MS4A4E: variants seen among roughly 807,000 people sequenced by gnomAD.
MS4A4E encodes the protein putative membrane-spanning 4-domains subfamily A member 4E.
In MS4A4E, 23 loss-of-function variants were observed where a neutral mutation model predicts 13.3. That is an observed-to-expected ratio of 1.73 (90% CI 1.25 to 2.45). MS4A4E has a LOEUF of 2.45. Among genes scored for constraint, MS4A4E ranks in the 30% most tolerant of loss-of-function variants. The pLI is 0.00. For synonymous variants in MS4A4E, 36 were observed against 45.6 expected (o/e 0.79, Z 0.85); for missense variants, 144 against 131.2 (o/e 1.10, Z -0.48).
intron 2 of MS4A4E, 146 bp from the exon 3 acceptor site, chr11:60,228,773 T>C (rs2084373661): frequency 4.5e-6 from 2 of 445,626 alleles, no homozygotes; most frequent in South Asian, 6.1e-5. Context: ...AAATGAGCTA[T>C]TAAGCCATAA....
chr11:60,231,465 A>T (rs561999550), intron 1 of MS4A4E, among the ~76,000 whole-genome samples: 1 of 152,252 alleles, frequency 6.6e-6, no homozygotes, highest in African/African-American at 2.4e-5. Flanking sequence ...CAGAATTAGA[A>T]CTCCATTTTG....
At chr11:60,213,280 C>A in intron 4 of MS4A4E, 148 bp from the exon 5 acceptor site, 2 of 1,535,336 alleles carry the variant, frequency 1.3e-6, no homozygotes, top group Non-Finnish European at 1.7e-6. Flanking sequence ...GATCTCTCGC[C>A]AAAACACAAA....
rs1404597079 is a variant in MS4A4E, at chr11:60,201,249, C to A, written c.*294G>T. On this transcript the variant is annotated 3_prime_UTR_variant, in exon 9 of 9. Transcript: ENST00000651255. ...GGCTGGCCGGGCGGGGGGCTGACCCCCCCCACCTCCCTCCCGGATGGGGCA... is the reference window on the plus strand; with the variant it reads ...GGCTGGCCGGGCGGGGGGCTGACCCACCCCACCTCCCTCCCGGATGGGGCA... 9.1e-5 allele frequency: 14 copies of A among 154,590 alleles called. No individual in the cohort carries two copies. Among genetic ancestry groups the A allele is most frequent in the Middle Eastern group, 6.0e-3 (2 of 334 alleles). 9.6% of individuals were successfully genotyped at this position (154,590 alleles called of 1,614,324 possible).
At chr11:60,206,825 G>A (rs1462025579) in intron 6 of MS4A4E, 1 of 219,252 alleles carries the variant, frequency 4.6e-6, no homozygotes, top group African/African-American at 2.3e-5. Flanking sequence ...ATCATTATCA[G>A]AGTTTACTCT....
At chr11:60,232,321 A>ACACACACACACACACAC (rs556719466) in intron 1 of MS4A4E, among the ~76,000 whole-genome samples, 5 of 147,318 alleles carry the variant, frequency 3.4e-5, no homozygotes, top group Admixed American at 6.8e-5. Flanking sequence ...ACACACACAC[A>ACACACACACACACACAC]CCAAAAATGA....
intron 1 of MS4A4E, among the ~76,000 whole-genome samples, chr11:60,240,407 C>T (rs2084534383): frequency 6.6e-6 from 1 of 152,150 alleles, no homozygotes; most frequent in South Asian, 2.1e-4. Flanking sequence ...TCTGAATGTT[C>T]CCCGGTGTCC....
At chr11:60,213,210 T>A in intron 4 of MS4A4E, 78 bp from the exon 5 acceptor site, 1 of 1,309,304 alleles carries the variant, frequency 7.6e-7, no homozygotes, top group Non-Finnish European at 1.1e-6. Context: ...TACACTGCTG[T>A]CTACCTTTAT....
intron 3 of MS4A4E, among the ~76,000 whole-genome samples, chr11:60,224,240 C>T (rs2084313805): frequency 6.6e-6 from 1 of 152,136 alleles, no homozygotes; most frequent in Admixed American, 6.5e-5. Flanking sequence ...AATTCCAATT[C>T]TAATTTTAAT....
At chr11:60,219,228 C>T (rs1333415793) in intron 3 of MS4A4E, among the ~76,000 whole-genome samples, 1 of 152,176 alleles carries the variant, frequency 6.6e-6, no homozygotes, top group Non-Finnish European at 1.5e-5. Context: ...GATTGCCTTT[C>T]TCTGTATGCC....
At chr11:60,211,724 C>T (rs909472004) in intron 5 of MS4A4E, among the ~76,000 whole-genome samples, 1 of 152,102 alleles carries the variant, frequency 6.6e-6, no homozygotes, top group South Asian at 2.1e-4. Flanking sequence ...ACCAGGCTGG[C>T]CAACATGGAG....
At chr11:60,219,954 T>G (rs1304212775) in intron 3 of MS4A4E, among the ~76,000 whole-genome samples, 1 of 147,128 alleles carries the variant, frequency 6.8e-6, no homozygotes, top group Non-Finnish European at 1.5e-5. Context: ...ATTTCCCCAG[T>G]GCCAGAATGC....
intron 3 of MS4A4E, among the ~76,000 whole-genome samples, chr11:60,225,975 A>G (rs1565125557): frequency 6.6e-6 from 1 of 151,976 alleles, no homozygotes; most frequent in Non-Finnish European, 1.5e-5. Flanking sequence ...GGGGAATATC[A>G]CTACAGTTCC....
chr11:60,230,138 G>A (rs2134962499), intron 1 of MS4A4E, 67 bp from the exon 2 acceptor site: 1 of 1,480,240 alleles, frequency 6.8e-7, no homozygotes. Flanking sequence ...GACACTTTGG[G>A]GCAGATTCCT....
In MS4A4E at chr11:60,223,900, A is replaced by G. The variant is rs908152328; in HGVS notation, c.178+4694T>C. Among the ~76,000 whole-genome samples, 6 of 152,162 alleles carry G rather than the reference A, an allele frequency of 3.9e-5. No homozygotes were observed. The South Asian group carries it at 6.2e-4, about 16-fold the overall frequency. ...CTCCCTAATAAACTTCCTTTTATAT[A>G]TATACACATCTATCCTATTAGTTAT... On this transcript the variant is annotated intron_variant, in intron 3 of 8. Transcript: ENST00000651255.
intron 8 of MS4A4E, among the ~76,000 whole-genome samples, chr11:60,202,670 C>T (rs1488463752): frequency 6.6e-6 from 1 of 152,184 alleles, no homozygotes; most frequent in Non-Finnish European, 1.5e-5. Flanking sequence ...CATATGCATG[C>T]CCAGCTGATT....
At chr11:60,224,938 A>T (rs1208100668) in intron 3 of MS4A4E, 3 of 1,483,494 alleles carry the variant, frequency 2.0e-6, no homozygotes. Context: ...TGTTATATCC[A>T]ATTATATCAA....
At chr11:60,212,553 C>A (rs1217477926) in intron 5 of MS4A4E, among the ~76,000 whole-genome samples, 1 of 152,152 alleles carries the variant, frequency 6.6e-6, no homozygotes, top group Non-Finnish European at 1.5e-5. Context: ...TCGTGATCCG[C>A]CTGGCTCGGC....
In MS4A4E at chr11:60,200,584, T is replaced by C. The variant is rs941134734; in HGVS notation, c.*959A>G. Among the ~76,000 whole-genome samples the C allele has an allele frequency of 4.6e-5, 7 of 152,116 alleles. No individual in the cohort carries two copies. Among genetic ancestry groups the C allele is most frequent in the African/African-American group, 7.2e-5 (3 of 41,416 alleles). ...TAACCCTGAGTGGACACAGCACATGTTTCAGAGAGCACAGGGTTGGGGGTA... is the reference window on the plus strand; with the variant it reads ...TAACCCTGAGTGGACACAGCACATGCTTCAGAGAGCACAGGGTTGGGGGTA... On this transcript the variant is annotated 3_prime_UTR_variant, in exon 9 of 9. Coordinates refer to ENST00000651255, the MANE Select transcript of MS4A4E (RefSeq NM_001393391.1).
intron 1 of MS4A4E, among the ~76,000 whole-genome samples, chr11:60,240,491 C>A (rs1189125073): frequency 1.3e-5 from 2 of 152,106 alleles, no homozygotes; most frequent in Non-Finnish European, 2.9e-5. Flanking sequence ...AACTGTGTCA[C>A]CCTCCCCTTT....
Sources: gnomAD v4.1 joint callset for allele counts (sites outside exome capture counted in the v4.1 genomes callset) on GRCh38, gnomAD v4.1.1 for gene constraint, MANE v1.5 for transcripts, NCBI Gene and HGNC (gene_info 2026-07-23, HGNC 2026-07-21) for gene names.